NTM: variants seen among roughly 807,000 people sequenced by gnomAD.
NTM encodes neurotrimin.
Under a neutral mutation model 42.1 loss-of-function variants are expected in NTM, and 13 were observed. That is an observed-to-expected ratio of 0.31 (90% CI 0.20 to 0.49). NTM has a LOEUF of 0.49. NTM is among the 20% of genes least tolerant of loss of function. The probability of loss-of-function intolerance (pLI) is 0.99; values close to 1 mark genes in which losing one functional copy is unlikely to be tolerated. For missense variants in NTM, 373 were observed against 452.8 expected (o/e 0.82, Z 1.60); for synonymous variants, 187 against 179.2 (o/e 1.04, Z -0.35).
intron 2 of NTM, among the ~76,000 whole-genome samples, chr11:132,016,181 CTTTGT>C (rs1182348558): frequency 6.7e-6 from 1 of 149,636 alleles, no homozygotes; most frequent in African/African-American, 2.5e-5. Flanking sequence ...GGTTTTTGTT[CTTTGT>C]TTTGTTGATG....
chr11:132,038,578 C>A (rs1373014567), intron 2 of NTM, among the ~76,000 whole-genome samples: 1 of 152,148 alleles, frequency 6.6e-6, no homozygotes, highest in African/African-American at 2.4e-5. Context: ...ATTAAGTGAG[C>A]AAGTGTGCGT....
At chr11:132,310,348 T>C in intron 6 of NTM, 116 bp downstream of exon 6, 1 of 1,055,262 alleles carries the variant, frequency 9.5e-7, no homozygotes, top group Admixed American at 2.9e-5. Context: ...TCTGAACTTA[T>C]CTCTATAGGG....
chr11:131,991,197 G>GT (rs931518359), intron 2 of NTM, among the ~76,000 whole-genome samples: 6 of 151,954 alleles, frequency 3.9e-5, no homozygotes, highest in African/African-American at 9.7e-5. Context: ...TAAAAGAGGT[G>GT]TTTTTTTGTT....
intron 1 of NTM, among the ~76,000 whole-genome samples, chr11:131,617,131 G>T (rs181205291): frequency 6.6e-6 from 1 of 152,046 alleles, no homozygotes; most frequent in Non-Finnish European, 1.5e-5. Context: ...GTGTGCTGCC[G>T]ATGTCAGGGT....
At chr11:131,880,157 A>C (rs2137256559) in intron 1 of NTM, among the ~76,000 whole-genome samples, 1 of 152,346 alleles carries the variant, frequency 6.6e-6, no homozygotes, top group African/African-American at 2.4e-5. Flanking sequence ...CCGACCCAGC[A>C]GATAAGTCAT....
At position 131,936,764 on chromosome 11, in the gene NTM, T is replaced by A. The variant is rs1465255942; in HGVS notation, c.167+25116T>A. Among the ~76,000 whole-genome samples the A allele has an allele frequency of 2.0e-5, 3 of 152,054 alleles. No homozygotes were observed. The East Asian group carries it at 5.8e-4, about 29-fold the overall frequency. On this transcript the variant is annotated intron_variant, in intron 2 of 8. Transcript: ENST00000683400. The stretch of plus-strand genomic sequence containing the variant: ...AAAAATTCTCACTATGATACGTCAA[T>A]GGATGGAACTGAGGCAGACACAGAA...
rs542609664 is a variant in NTM, at chr11:132,251,945, A to G, written c.526+39798A>G. 1.4e-3 allele frequency among the ~76,000 whole-genome samples: 210 copies of G among 152,326 alleles called. 1 individual carries two copies. The highest frequency in any genetic ancestry group is 2.5e-3 in the Non-Finnish European group (169 of 68,038). On this transcript the variant is annotated intron_variant, in intron 4 of 8. Coordinates refer to ENST00000683400, the MANE Select transcript of NTM (RefSeq NM_001352005.2). ...ACAAAGCACAGCAGCAGTAAAGCAC[A>G]GGTGCTCCAAACCTGAGGCTTGCCT...
At chr11:131,672,037 T>C (rs2070370393) in intron 1 of NTM, among the ~76,000 whole-genome samples, 1 of 152,210 alleles carries the variant, frequency 6.6e-6, no homozygotes. Context: ...CTCGCTGTGT[T>C]CCTCTCCACG....
chr11:132,050,454 G>A (rs2078693830), intron 2 of NTM, among the ~76,000 whole-genome samples: 1 of 152,188 alleles, frequency 6.6e-6, no homozygotes, highest in South Asian at 2.1e-4. Context: ...CTGGGCAAAT[G>A]ATTTTTTTGT....
Position 132,069,435 on chromosome 11 carries a change from G to A in NTM, c.168-76847G>A, listed in dbSNP as rs1328598462. 4.7e-4 allele frequency among the ~76,000 whole-genome samples: 57 copies of A among 120,218 alleles called. 12 individuals carry two copies. The highest frequency in any genetic ancestry group is 7.9e-4 in the Non-Finnish European group (46 of 57,890). The allele number at this position is 120,218 out of a possible 152,430, so 78.9% of individuals were successfully genotyped here. A position where few individuals can be genotyped will look rare whatever the true frequency, so the allele number is the denominator to read the frequency against. On this transcript the variant is annotated intron_variant, in intron 2 of 8. Transcript: ENST00000683400. ...CTGACTGTCACCGGTTAGTTAACAC[G>A]TCACACAGCCAAGTTAACACGTCAA...
chr11:131,492,475 C>G (rs1954904486), intron 1 of NTM, among the ~76,000 whole-genome samples: 1 of 152,150 alleles, frequency 6.6e-6, no homozygotes, highest in South Asian at 2.1e-4. Flanking sequence ...TTGTTATTAT[C>G]CCAATGTTAC....
chr11:131,745,357 G>C lies in NTM; in HGVS notation c.83-166207G>C, dbSNP rs566343198. Among the ~76,000 whole-genome samples, 754 of 152,284 alleles carry C rather than the reference G, an allele frequency of 5.0e-3. 3 individuals carry two copies. Among genetic ancestry groups the C allele is most frequent in the South Asian group, 0.017 (84 of 4,822 alleles). On this transcript the variant is annotated intron_variant, in intron 1 of 8. Coordinates refer to ENST00000683400, the MANE Select transcript of NTM (RefSeq NM_001352005.2). Reference sequence around the variant, plus strand: ...GTCTCCTCATCTTTTAACTGGGGAGGGTTATCAAAACCTGCCTTGCAAGAT... The same window carrying C: ...GTCTCCTCATCTTTTAACTGGGGAGCGTTATCAAAACCTGCCTTGCAAGAT...
chr11:131,854,644 C>T (rs1425855895), intron 1 of NTM, among the ~76,000 whole-genome samples: 5 of 151,982 alleles, frequency 3.3e-5, no homozygotes, highest in Non-Finnish European at 5.9e-5. Context: ...GAGGTAAGTT[C>T]GGGAGATAGG....
chr11:131,600,843 C>A (rs896827607), intron 1 of NTM, among the ~76,000 whole-genome samples: 1 of 150,434 alleles, frequency 6.6e-6, no homozygotes, highest in Admixed American at 6.6e-5. Flanking sequence ...TATAAACATT[C>A]ACTTTTTTTT....
intron 2 of NTM, among the ~76,000 whole-genome samples, chr11:132,141,556 G>A (rs1258510461): frequency 6.6e-6 from 1 of 152,154 alleles, no homozygotes; most frequent in African/African-American, 2.4e-5. Flanking sequence ...CCATACTCGA[G>A]CTCCCATGCA....
intron 2 of NTM, among the ~76,000 whole-genome samples, 172 bp downstream of exon 2, chr11:131,911,820 G>A (rs373571492): frequency 6.6e-6 from 1 of 152,236 alleles, no homozygotes. Context: ...TGTGGCAGTC[G>A]TAGGGAAAGG....
chr11:131,567,144 C>G, intron 1 of NTM, among the ~76,000 whole-genome samples: 2 of 151,978 alleles, frequency 1.3e-5, no homozygotes, highest in South Asian at 4.2e-4. Flanking sequence ...CAGAGAGACC[C>G]TGTGGGGGAC....
At chr11:131,751,763 T>TC (rs2082582387) in intron 1 of NTM, among the ~76,000 whole-genome samples, 19 of 40,370 alleles carry the variant, frequency 4.7e-4, no homozygotes, top group Non-Finnish European at 6.7e-4. Flanking sequence ...CGTCCCCCCC[T>TC]CACCCCCCCC....
intron 2 of NTM, among the ~76,000 whole-genome samples, chr11:131,979,473 AT>A (rs2064916691): frequency 6.6e-6 from 1 of 152,238 alleles, no homozygotes; most frequent in Non-Finnish European, 1.5e-5. Flanking sequence ...GCATTCAAAA[AT>A]TGGGCAAACC....
Sources: gnomAD v4.1 joint callset for allele counts (sites outside exome capture counted in the v4.1 genomes callset) on GRCh38, gnomAD v4.1.1 for gene constraint, MANE v1.5 for transcripts, NCBI Gene and HGNC (gene_info 2026-07-23, HGNC 2026-07-21) for gene names.